Variants in CCP110 observed in about 807,000 individuals in gnomAD.
CCP110 encodes the protein centriolar coiled-coil protein 110.
A neutral mutation model predicts 105.5 loss-of-function variants in CCP110; 43 were observed. The observed-to-expected ratio is 0.41, with a 90% CI of 0.32 to 0.53. The LOEUF is 0.53. Among genes scored for constraint, CCP110 ranks in the 20% least tolerant of loss-of-function variants. CCP110 has a pLI of 0.32. For synonymous variants in CCP110, 353 were observed against 392.1 expected, an observed-to-expected ratio of 0.90 and a Z score of 1.18; for missense variants, 1,016 against 1,189.1, an observed-to-expected ratio of 0.85 and a Z score of 2.14.
Position 19,545,176 on chromosome 16 carries a change from G to A in CCP110, c.2669G>A (p.Arg890Gln), listed in dbSNP as rs142274455. Residue 890 changes from arginine (R) to glutamine (Q), a missense_variant, in exon 10 of 15, where the codon CGA (arginine) becomes CAA (glutamine). Coordinates refer to ENST00000381396, the Ensembl canonical transcript of CCP110. Reference sequence around the variant, plus strand: ...AGAATGTCTATTCTACATCATGATCGAGAAGTTCGCAAAGAGAAAATGCTC... The same window carrying A: ...AGAATGTCTATTCTACATCATGATCAAGAAGTTCGCAAAGAGAAAATGCTC... 2.3e-5 allele frequency: 37 copies of A among 1,608,458 alleles called. No individual in the cohort carries two copies. Among genetic ancestry groups the A allele is most frequent in the Non-Finnish European group, 2.9e-5 (34 of 1,176,550 alleles).
chr16:19,541,739 A>C lies in CCP110; in HGVS notation c.2050-148A>C, dbSNP rs373341003. Reference sequence around the variant, plus strand: ...AGGGAGGGAAGGGAAGGGAAGGGAGAAGGAAGGAAGGATAATTTGAGGAAG... The same window carrying C: ...AGGGAGGGAAGGGAAGGGAAGGGAGCAGGAAGGAAGGATAATTTGAGGAAG... On this transcript the variant is annotated intron_variant, in intron 5 of 14. Transcript: ENST00000381396. The C allele has an allele frequency of 2.8e-4, 93 of 332,092 alleles. 1 individual carries two copies. In the East Asian group the frequency reaches 4.7e-3, roughly 17 times the overall value. 20.6% of individuals were successfully genotyped at this position (332,092 alleles called of 1,614,324 possible).
At chr16:19,551,630 T>G (rs1200095170) in exon 15 of CCP110, 1 of 167,642 alleles carries the variant, frequency 6.0e-6, no homozygotes, top group African/African-American at 2.4e-5. Context: ...AAACATAAAT[T>G]TAATTCATCT....
At chr16:19,538,118 G>T (rs906347230) in intron 4 of CCP110, among the ~76,000 whole-genome samples, 1 of 151,784 alleles carries the variant, frequency 6.6e-6, no homozygotes, top group South Asian at 2.1e-4. Context: ...GAGTGCAGTG[G>T]CACAACCTTG....
At chr16:19,535,814 G>GT in intron 3 of CCP110, 126 bp from the exon 4 acceptor site, 6 of 697,552 alleles carry the variant, frequency 8.6e-6, no homozygotes, top group Non-Finnish European at 1.4e-5. Context: ...TGTCATCTTA[G>GT]TTTTTCTTTA....
chr16:19,548,338 A>G lies in CCP110; in HGVS notation c.2901-177A>G, dbSNP rs1970528094. ...CTCCAACAGAGTATGACTCGTGCTT[A>G]TAGTCTCCTGCTGAAGCCAGAGTTT... On this transcript the variant is annotated intron_variant, in intron 13 of 14. Transcript: ENST00000381396. The surrounding 1 kb of genome is among the most constrained non-coding windows in gnomAD (Gnocchi z 4.1). 1.7e-6 allele frequency: 1 copy of G among 587,184 alleles called. No homozygotes were observed. The highest frequency in any genetic ancestry group is 1.9e-5 in the African/African-American group (1 of 53,642). The allele number at this position is 587,184 out of a possible 1,614,324, so 36.4% of individuals were successfully genotyped here. A position where few individuals can be genotyped will look rare whatever the true frequency, so the allele number is the denominator to read the frequency against.
At chr16:19,528,596 T>G (rs1969755732) in intron 2 of CCP110, among the ~76,000 whole-genome samples, 1 of 152,132 alleles carries the variant, frequency 6.6e-6, no homozygotes, top group South Asian at 2.1e-4. Context: ...GAGTCATGAT[T>G]AGAGGTCCAG....
Position 19,548,303 on chromosome 16 carries a change from C to T in CCP110, c.2901-212C>T, listed in dbSNP as rs1297965630. ...ATCCATATAGTAAATTCAGCATCAC[C>T]GAAGTGATTCTCCAACAGAGTATGA... On this transcript the variant is annotated intron_variant, in intron 13 of 14. Coordinates refer to ENST00000381396, the Ensembl canonical transcript of CCP110. This position sits in a 1 kb window ranked among gnomAD's most constrained non-coding sequence, Gnocchi z 4.1. The T allele has an allele frequency of 8.7e-6, 5 of 573,868 alleles. No homozygotes were observed. Among genetic ancestry groups the T allele is most frequent in the African/African-American group, 7.5e-5 (4 of 53,342 alleles). The allele number at this position is 573,868 out of a possible 1,614,324, so 35.5% of individuals were successfully genotyped here.
At chr16:19,541,398 C>T (rs1032615190) in intron 5 of CCP110, among the ~76,000 whole-genome samples, 5 of 152,004 alleles carry the variant, frequency 3.3e-5, no homozygotes, top group Non-Finnish European at 4.4e-5. Flanking sequence ...TTTGGGAGGC[C>T]GAGGTGGATG....
At chr16:19,536,970 G>A (rs982722527) in exon 4 of CCP110, 15 of 1,614,098 alleles carry the variant, frequency 9.3e-6, no homozygotes, top group African/African-American at 2.7e-5. Context: ...GATTTAGCGG[G>A]AGTTTGTTCA....
intron 2 of CCP110, 85 bp from the exon 3 acceptor site, chr16:19,532,329 ATG>A (rs975832911): frequency 1.8e-5 from 21 of 1,158,866 alleles, no homozygotes; most frequent in Non-Finnish European, 2.4e-5. Flanking sequence ...CCTGTTGCAC[ATG>A]TTTTTAATCT....
At chr16:19,542,639 T>C in exon 7 of CCP110, 12 of 1,612,138 alleles carry the variant, frequency 7.4e-6, no homozygotes, top group South Asian at 1.1e-5. Flanking sequence ...AATTCTGCCA[T>C]GCAATATAGC....
Position 19,544,787 on chromosome 16 carries a change from CT to C in CCP110, c.2485-4del. ...GAAAAATGTTTTTGAAGGAGCATTT[CT>C]TTTTTCAGGATACTATGGAATTCAT... is the stretch of plus-strand genomic sequence containing the variant. On this transcript the variant is annotated splice_polypyrimidine_tract_variant and intron_variant, in intron 8 of 14. Coordinates refer to ENST00000381396, the Ensembl canonical transcript of CCP110. 2.1e-6 allele frequency: 3 copies of C among 1,413,530 alleles called. No individual in the cohort carries two copies. Among genetic ancestry groups the C allele is most frequent in the Non-Finnish European group, 3.0e-6 (3 of 1,014,488 alleles). 87.6% of individuals were successfully genotyped at this position (1,413,530 alleles called of 1,614,324 possible).
chr16:19,527,097 A>G (rs1023176367), intron 1 of CCP110: 1 of 152,200 alleles, frequency 6.6e-6, no homozygotes, highest in Non-Finnish European at 1.5e-5. Context: ...AGAAACTGTG[A>G]AATTACTGGG....
chr16:19,541,859 C>G lies in CCP110; in HGVS notation c.2050-28C>G, dbSNP rs377464113. The stretch of plus-strand genomic sequence containing the variant: ...TTTGGGACATAATTAAAAGGTTTAG[C>G]ATGTTACAATAAACTGTTCATGTAT... On this transcript the variant is annotated intron_variant, in intron 5 of 14. Transcript: ENST00000381396. The G allele has an allele frequency of 5.1e-6, 7 of 1,379,682 alleles. No homozygotes were observed. The African/African-American group carries it at 1.0e-4, about 20-fold the overall frequency. The allele number at this position is 1,379,682 out of a possible 1,614,324, so 85.5% of individuals were successfully genotyped here.
At chr16:19,527,473 C>T (rs181569541) in intron 1 of CCP110, among the ~76,000 whole-genome samples, 5 of 151,902 alleles carry the variant, frequency 3.3e-5, no homozygotes, top group Admixed American at 3.3e-4. Context: ...AGTGTTTGTA[C>T]CTTTGTATGA....
chr16:19,538,011 G>A (rs912724596), intron 4 of CCP110, among the ~76,000 whole-genome samples: 13 of 152,148 alleles, frequency 8.5e-5, no homozygotes, highest in South Asian at 8.3e-4. Flanking sequence ...TGAGCCTCCC[G>A]TCTCAGCCTC....
exon 15 of CCP110, chr16:19,553,266 A>G (rs1185975206): frequency 6.6e-6 from 1 of 152,000 alleles, no homozygotes; most frequent in Non-Finnish European, 1.5e-5. Flanking sequence ...CTTTTGATGG[A>G]TTTTTATTTA....
intron 10 of CCP110, 55 bp downstream of exon 10, chr16:19,545,265 A>G: frequency 9.3e-6 from 9 of 971,272 alleles, no homozygotes; most frequent in Non-Finnish European, 1.4e-5. Flanking sequence ...GGTAATTGAT[A>G]CTAAATGTCA....
intron 2 of CCP110, 139 bp from the exon 3 acceptor site, chr16:19,532,277 C>G: frequency 1.6e-6 from 1 of 640,450 alleles, no homozygotes; most frequent in Non-Finnish European, 2.6e-6. Context: ...CACTCAGTAC[C>G]CAGACCATTG....
Sources: gnomAD v4.1 joint callset for allele counts (sites outside exome capture counted in the v4.1 genomes callset) on GRCh38, gnomAD v4.1.1 for gene constraint, Gnocchi (gnomAD v3.1) non-coding constraint, MANE v1.5 for transcripts, NCBI Gene and HGNC (gene_info 2026-07-23, HGNC 2026-07-21) for gene names.